EPCAM: variants seen among roughly 807,000 people sequenced by gnomAD.
EPCAM encodes adenocarcinoma-associated antigen.
EPCAM carries 39 observed loss-of-function variants against 40.0 expected under a neutral mutation model. The observed-to-expected ratio is 0.98, with a 90% CI of 0.76 to 1.27. The LOEUF is 1.27. Among genes scored for constraint, EPCAM ranks in the 50% most tolerant of loss-of-function variants. EPCAM has a pLI of 0.00. For synonymous variants in EPCAM, 168 were observed against 132.3 expected, an observed-to-expected ratio of 1.27 and a Z score of -1.85; for missense variants, 503 against 381.2, an observed-to-expected ratio of 1.32 and a Z score of -2.66.
intron 4 of EPCAM, 100 bp from the exon 5 acceptor site, chr2:47,376,914 G>C (rs1671441661): frequency 6.6e-6 from 5 of 752,252 alleles, no homozygotes; most frequent in Non-Finnish European, 1.1e-5. Flanking sequence ...TAACTTTAAT[G>C]ACAGTTTTAG....
chr2:47,381,670 C>G (rs574171333), intron 7 of EPCAM, among the ~76,000 whole-genome samples: 3 of 152,024 alleles, frequency 2.0e-5, no homozygotes, highest in Non-Finnish European at 4.4e-5. Flanking sequence ...AAAGTAAACT[C>G]CCAAGAAAAT....
intron 7 of EPCAM, among the ~76,000 whole-genome samples, chr2:47,381,392 CA>C (rs370875469): frequency 4.4e-3 from 325 of 74,356 alleles, no homozygotes; most frequent in South Asian, 0.034. Context: ...AACTCCGTCT[CA>C]AAAAAAAAAA....
At position 47,373,221 on chromosome 2, in the gene EPCAM, A is replaced by AC. The variant is rs1369320614; in HGVS notation, c.77-242_77-241insC. ...CCCTATCTTTAAAAAAAAAAAAAAA[A>AC]AAAAAAAAAAAAAACAGGAATGCAT... On this transcript the variant is annotated intron_variant, in intron 1 of 8. Transcript: ENST00000263735. Among the ~76,000 whole-genome samples, 42 of 149,254 alleles carry AC rather than the reference A, an allele frequency of 2.8e-4. 2 individuals are homozygous for AC. Among genetic ancestry groups the AC allele is most frequent in the Non-Finnish European group, 5.8e-4 (39 of 67,466 alleles).
At chr2:47,374,860 A>T (rs1432074681) in intron 3 of EPCAM, among the ~76,000 whole-genome samples, 1 of 150,786 alleles carries the variant, frequency 6.6e-6, no homozygotes, top group East Asian at 2.0e-4. Flanking sequence ...CTGGTCTCCA[A>T]CTCCTGACCT....
At chr2:47,385,273 C>G (rs1376595627) in intron 8 of EPCAM, 63 bp downstream of exon 8, 5 of 1,285,624 alleles carry the variant, frequency 3.9e-6, no homozygotes, top group African/African-American at 1.5e-5. Flanking sequence ...AATCACTCTA[C>G]CTTCCTACAC....
chr2:47,381,439 A>T (rs1671586508), intron 7 of EPCAM, among the ~76,000 whole-genome samples: 1 of 151,416 alleles, frequency 6.6e-6, no homozygotes, highest in Non-Finnish European at 1.5e-5. Context: ...AACAGAATTC[A>T]GAAAGAGGTT....
intron 4 of EPCAM, 75 bp from the exon 5 acceptor site, chr2:47,376,939 G>A: frequency 1.0e-6 from 1 of 987,742 alleles, no homozygotes; most frequent in East Asian, 2.4e-5. Context: ...TGAGCTGTCT[G>A]CTTAAAGAGT....
chr2:47,379,626 G>T, intron 6 of EPCAM, 143 bp from the exon 7 acceptor site: 1 of 982,438 alleles, frequency 1.0e-6, no homozygotes, highest in Non-Finnish European at 1.5e-6. Flanking sequence ...GTTTTTTAAA[G>T]TTCCAATAAA....
In EPCAM at chr2:47,374,049, G is replaced by T; in HGVS notation, c.425+1G>T. Reference sequence around the variant, plus strand: ...CCTGCTCTGAGCGAGTGAGAACCTAGTGAGTGGGGCTGCCTATACTACTTG... The same window carrying T: ...CCTGCTCTGAGCGAGTGAGAACCTATTGAGTGGGGCTGCCTATACTACTTG... On this transcript the variant is annotated splice_donor_variant, in intron 3 of 8. Transcript: ENST00000263735. LOFTEE classifies it high-confidence loss of function. 6.2e-7 allele frequency: 1 copy of T among 1,614,192 alleles called. No homozygotes were observed. Among genetic ancestry groups the T allele is most frequent in the South Asian group, 1.1e-5 (1 of 91,088 alleles).
intron 4 of EPCAM, among the ~76,000 whole-genome samples, chr2:47,376,274 A>AG (rs1388482728): frequency 3.2e-5 from 2 of 62,578 alleles, no homozygotes; most frequent in Non-Finnish European, 6.1e-5. Flanking sequence ...TTTTTTTTTG[A>AG]GTTGGAGTTT....
Position 47,369,440 on chromosome 2 carries a change from C to T in EPCAM, c.-66C>T, listed in dbSNP as rs924274340. 189 of 1,345,774 alleles carry T rather than the reference C, an allele frequency of 1.4e-4. 2 individuals carry two copies. Among genetic ancestry groups the T allele is most frequent in the African/African-American group, 7.9e-4 (51 of 64,818 alleles). The allele number at this position is 1,345,774 out of a possible 1,614,324, so 83.4% of individuals were successfully genotyped here. On this transcript the variant is annotated 5_prime_UTR_variant, in exon 1 of 9. Transcript: ENST00000263735. ...CCCGGCCGGCTCCTCGTGTCCCACT[C>T]CCGGCGCACGCCCTCCCGCGAGTCC...
intron 7 of EPCAM, among the ~76,000 whole-genome samples, chr2:47,381,606 G>T (rs904181948): frequency 6.6e-6 from 1 of 152,104 alleles, no homozygotes; most frequent in Non-Finnish European, 1.5e-5. Flanking sequence ...TAGTAGGAAA[G>T]GCGTTGGGCA....
intron 7 of EPCAM, among the ~76,000 whole-genome samples, chr2:47,381,690 G>A (rs768587382): frequency 1.3e-5 from 2 of 152,110 alleles, no homozygotes. Flanking sequence ...TTAATTGAGG[G>A]AATGTTTGTA....
intron 5 of EPCAM, 65 bp from the exon 6 acceptor site, chr2:47,378,888 A>G: frequency 1.3e-6 from 1 of 787,634 alleles, no homozygotes; most frequent in East Asian, 2.7e-5. Flanking sequence ...TTCTCAATTA[A>G]TGTTATTTTC....
rs878854485 is a variant in EPCAM, at chr2:47,373,519, C to G, written c.133C>G (p.Gln45Glu). Reference protein sequence around the residue: ...AVNCFVNNNRQCQCTSVGAQN... With the variant: ...AVNCFVNNNRECQCTSVGAQN... ...AAACTGCTTTGTGAATAATAATCGT[C>G]AATGCCAGTGTACTTCAGTTGGTGC... Residue 45 changes from glutamine (Q) to glutamate (E), a missense_variant, in exon 2 of 9, where the codon CAA becomes GAA. Transcript: ENST00000263735. 6.2e-7 allele frequency: 1 copy of G among 1,613,800 alleles called. No individual in the cohort carries two copies. The highest frequency in any genetic ancestry group is 8.5e-7 in the Non-Finnish European group (1 of 1,179,850).
intron 1 of EPCAM, 45 bp downstream of exon 1, chr2:47,369,626 G>C (rs1320316327): frequency 1.9e-6 from 3 of 1,540,192 alleles, no homozygotes; most frequent in Admixed American, 1.9e-5. Flanking sequence ...GGCTGGGCTG[G>C]GGGGCAGCGG....
chr2:47,371,038 T>G (rs1043269372), intron 1 of EPCAM, among the ~76,000 whole-genome samples: 61 of 152,096 alleles, frequency 4.0e-4, no homozygotes, highest in Admixed American at 1.6e-3. Context: ...AGAGACGACA[T>G]CTCACTATGT....
chr2:47,369,769 GT>G, intron 1 of EPCAM, 188 bp downstream of exon 1: 1 of 713,932 alleles, frequency 1.4e-6, no homozygotes, highest in Non-Finnish European at 2.6e-6. Flanking sequence ...GGCGAGGGCC[GT>G]CCCGGGGAGC....
chr2:47,379,062 T>C lies in EPCAM; in HGVS notation c.657+8T>C, dbSNP rs746471873. The C allele has an allele frequency of 2.2e-6, 3 of 1,359,100 alleles. No homozygotes were observed. The highest frequency in any genetic ancestry group is 3.2e-6 in the Non-Finnish European group (3 of 947,366). The allele number at this position is 1,359,100 out of a possible 1,614,324, so 84.2% of individuals were successfully genotyped here. ...TATTATTTTGAAAAAGATGTGAGTA[T>C]CATCTTCTTTATTCCTGTGTTCAGG... On this transcript the variant is annotated splice_region_variant and intron_variant, in intron 6 of 8. Transcript: ENST00000263735.
Sources: gnomAD v4.1 joint callset for allele counts (sites outside exome capture counted in the v4.1 genomes callset) on GRCh38, gnomAD v4.1.1 for gene constraint, MANE v1.5 for transcripts, NCBI Gene and HGNC (gene_info 2026-07-23, HGNC 2026-07-21) for gene names.